FAAP100: variants seen among roughly 807,000 people sequenced by gnomAD.
FAAP100 encodes FA core complex associated protein 100, also known as Fanconi anemia core complex-associated protein 100.
FAAP100 carries 46 observed loss-of-function variants against 65.8 expected under a neutral mutation model. The observed-to-expected ratio is 0.70, with a 90% CI of 0.55 to 0.89. FAAP100 has a LOEUF of 0.89. FAAP100 is among the 40% of genes least tolerant of loss of function. The probability of loss-of-function intolerance (pLI) is 0.00; values close to 1 mark genes in which losing one functional copy is unlikely to be tolerated. For missense variants in FAAP100, 1,165 were observed against 1,196.7 expected (o/e 0.97, Z 0.39); for synonymous variants, 663 against 555.1 (o/e 1.19, Z -2.73).
chr17:81,544,405 C>T (rs1327030456), intron 6 of FAAP100, among the ~76,000 whole-genome samples: 1 of 152,220 alleles, frequency 6.6e-6, no homozygotes, highest in South Asian at 2.1e-4. Flanking sequence ...CGCAGGGCCT[C>T]GAGCCAGACT....
upstream of FAAP100, among the ~76,000 whole-genome samples, chr17:81,552,872 C>T (rs2033552209): frequency 6.6e-6 from 1 of 151,902 alleles, no homozygotes; most frequent in South Asian, 2.1e-4. Context: ...GCCGCCCCCG[C>T]GTTCAGGGCC....
At chr17:81,548,256 C>A (rs940801777) in intron 4 of FAAP100, 2 of 516,234 alleles carry the variant, frequency 3.9e-6, no homozygotes, top group South Asian at 3.1e-5. Flanking sequence ...GCCAGTGCTG[C>A]GGGAGGAAAA....
chr17:81,543,732 A>G (rs1379264754), intron 7 of FAAP100, among the ~76,000 whole-genome samples: 1 of 152,134 alleles, frequency 6.6e-6, no homozygotes, highest in Non-Finnish European at 1.5e-5. Context: ...CTGGCCTTGT[A>G]GCCCGGGCAG....
chr17:81,540,992 C>T (rs1164638242), intron 8 of FAAP100, 42 bp from the exon 9 acceptor site: 1 of 1,526,882 alleles, frequency 6.5e-7, no homozygotes, highest in Non-Finnish European at 8.8e-7. Flanking sequence ...CCACCTGGCC[C>T]TGGGGATGTC....
At position 81,543,975 on chromosome 17, in the gene FAAP100, T is replaced by C. The variant is rs752717315; in HGVS notation, c.2427+29A>G. The C allele has an allele frequency of 6.9e-6, 11 of 1,587,488 alleles. 1 individual carries two copies. In the South Asian group the frequency reaches 1.2e-4, roughly 18 times the overall value. On this transcript the variant is annotated intron_variant, in intron 7 of 8. Coordinates refer to ENST00000327787, the MANE Select transcript of FAAP100 (RefSeq NM_025161.6). ...ACCTTAGTGAGCGACCCACAGATCC[T>C]GGCCACCTTCCCCAGCGGGCCGACA...
At chr17:81,542,671 C>G (rs1480661499) in intron 7 of FAAP100, among the ~76,000 whole-genome samples, 1 of 152,150 alleles carries the variant, frequency 6.6e-6, no homozygotes, top group East Asian at 1.9e-4. Flanking sequence ...TGACTCAGGC[C>G]CCCCAGATTC....
Position 81,550,908 on chromosome 17 carries a change from C to T in FAAP100, c.586G>A (p.Val196Met). The stretch of plus-strand genomic sequence containing the variant: ...CCTGATGGTGACACAGAGCACAGCA[C>T]TGGAAGGAAGTGGGGGGCTGCAGGC... Reference protein sequence around the residue: ...GKPAAPHFLPVLCSVSPSGSR... With the variant: ...GKPAAPHFLPMLCSVSPSGSR... Residue 196 changes from valine (V) to methionine (M), a missense_variant, in exon 3 of 9, where the codon GTG (valine) becomes ATG (methionine). By Grantham distance (21) the Val-to-Met change is conservative. Coordinates refer to ENST00000327787, the MANE Select transcript of FAAP100 (RefSeq NM_025161.6). 6.2e-7 allele frequency: 1 copy of T among 1,612,568 alleles called. No homozygotes were observed. Among genetic ancestry groups the T allele is most frequent in the Non-Finnish European group, 8.5e-7 (1 of 1,179,850 alleles).
intron 3 of FAAP100, among the ~76,000 whole-genome samples, chr17:81,549,967 A>C (rs895350834): frequency 6.6e-6 from 1 of 152,288 alleles, no homozygotes; most frequent in Non-Finnish European, 1.5e-5. Flanking sequence ...TGGACCCCCA[A>C]GATGCAGTTT....
Position 81,540,050 on chromosome 17 carries a change from A to AGGCTGGG in FAAP100, c.*762_*768dup, listed in dbSNP as rs965077328. 18 of 393,562 alleles carry AGGCTGGG rather than the reference A, an allele frequency of 4.6e-5. No individual in the cohort carries two copies. Among genetic ancestry groups the AGGCTGGG allele is most frequent in the Middle Eastern group, 6.2e-4 (1 of 1,612 alleles). 24.4% of individuals were successfully genotyped at this position (393,562 alleles called of 1,614,324 possible). On this transcript the variant is annotated 3_prime_UTR_variant, in exon 9 of 9. Coordinates refer to ENST00000327787, the MANE Select transcript of FAAP100 (RefSeq NM_025161.6). ...GGGCCGTAGCCCAGGCTGAGGGAGG[A>AGGCTGGG]GGCTGGGGGCTGGGGCTCAGGGCCC...
At chr17:81,552,831 G>A (rs890214443), upstream of FAAP100, among the ~76,000 whole-genome samples, 1 of 150,376 alleles carries the variant, frequency 6.6e-6, no homozygotes, top group Non-Finnish European at 1.5e-5. Context: ...CTAGGGATGG[G>A]TCTCTGCCCT....
rs1022383889 is a variant in FAAP100 at position 81,550,436 on chromosome 17, C to A, written c.1058G>T (p.Gly353Val). Residue 353 changes from glycine (G) to valine (V), a missense_variant, in exon 3 of 9, where the codon GGC (glycine) becomes GTC (valine). Coordinates refer to ENST00000327787, the MANE Select transcript of FAAP100 (RefSeq NM_025161.6). ...LPGPVLCAACGGGGRVYHSTP... is the reference protein window; with the variant it reads ...LPGPVLCAACVGGGRVYHSTP... ...GCTGTGGTACACGCGGCCACCCCCG[C>A]CACAGGCAGCGCAGAGCACAGGGCC... 1.6e-5 allele frequency: 26 copies of A among 1,612,630 alleles called. No individual in the cohort carries two copies. Among genetic ancestry groups the A allele is most frequent in the Non-Finnish European group, 2.1e-5 (25 of 1,179,954 alleles).
rs1462944984 is a variant in FAAP100, at chr17:81,547,805, C to T, written c.1404-127G>A. 16 of 1,228,606 alleles carry T rather than the reference C, an allele frequency of 1.3e-5. No individual in the cohort carries two copies. In the East Asian group the frequency reaches 1.9e-4, roughly 15 times the overall value. The allele number at this position is 1,228,606 out of a possible 1,614,324, so 76.1% of individuals were successfully genotyped here. On this transcript the variant is annotated intron_variant, in intron 4 of 8. Coordinates refer to ENST00000327787, the MANE Select transcript of FAAP100 (RefSeq NM_025161.6). ...CAAGCACACGGTGGGTGTGGAGCCACGCCAGAGAGTGAGCCCCCGCCCCAG... is the reference window on the plus strand; with the variant it reads ...CAAGCACACGGTGGGTGTGGAGCCATGCCAGAGAGTGAGCCCCCGCCCCAG...
chr17:81,551,785 G>A, intron 2 of FAAP100, 143 bp downstream of exon 2: 2 of 1,379,096 alleles, frequency 1.5e-6, no homozygotes, highest in Non-Finnish European at 1.9e-6. Context: ...AGGGGCTCCA[G>A]ATAATCGGGC....
At position 81,540,844 on chromosome 17, in the gene FAAP100, C is replaced by CG; in HGVS notation, c.2620dup (p.Arg874ProfsTer34). 5 of 1,539,242 alleles carry CG rather than the reference C, an allele frequency of 3.2e-6. No homozygotes were observed. The highest frequency in any genetic ancestry group is 4.4e-6 in the Non-Finnish European group (5 of 1,145,126). ...TCACAGCAGGATGAGGCTGGGGTGG[C>CG]GCAGCTGCCGGTACACCTGTAGCAG... On this transcript the variant is annotated frameshift_variant, in exon 9 of 9. Coordinates refer to ENST00000327787, the MANE Select transcript of FAAP100 (RefSeq NM_025161.6). LOFTEE classifies it high-confidence loss of function.
intron 4 of FAAP100, chr17:81,548,286 G>C: frequency 2.2e-6 from 1 of 460,180 alleles, no homozygotes; most frequent in East Asian, 3.3e-5. Context: ...ATCCTGTGCT[G>C]AGAGCAGGGA....
chr17:81,540,747 A>G lies in FAAP100; in HGVS notation c.*72T>C. 7.0e-7 allele frequency: 1 copy of G among 1,431,118 alleles called. No individual in the cohort carries two copies. The highest frequency in any genetic ancestry group is 1.5e-5 in the South Asian group (1 of 68,776). 88.7% of individuals were successfully genotyped at this position (1,431,118 alleles called of 1,614,324 possible). On this transcript the variant is annotated 3_prime_UTR_variant, in exon 9 of 9. Coordinates refer to ENST00000327787, the MANE Select transcript of FAAP100 (RefSeq NM_025161.6). ...GGCCAGGCCAGCTCGGTTTCCCTCT[A>G]ACCCATGAGGCCTGGGGGGGCTGTG...
chr17:81,549,406 G>C (rs1382520879), intron 3 of FAAP100, 44 bp from the exon 4 acceptor site: 1 of 1,572,082 alleles, frequency 6.4e-7, no homozygotes, highest in South Asian at 1.1e-5. Context: ...GCTGGGAGGG[G>C]CAAGCAGCAT....
rs912072228 is a variant in FAAP100, at chr17:81,543,878, T to G, written c.2427+126A>C. On this transcript the variant is annotated intron_variant, in intron 7 of 8. Coordinates refer to ENST00000327787, the MANE Select transcript of FAAP100 (RefSeq NM_025161.6). The stretch of plus-strand genomic sequence containing the variant: ...ACCGCACTCAGCGGCAGAGCAGACT[T>G]GGATCTTCCTACAACTCCCTTGCAG... 11 of 872,172 alleles carry G rather than the reference T, an allele frequency of 1.3e-5. No homozygotes were observed. The African/African-American group carries it at 1.9e-4, about 15-fold the overall frequency. 54.0% of individuals were successfully genotyped at this position (872,172 alleles called of 1,614,324 possible).
At chr17:81,541,259 G>T in intron 8 of FAAP100, 50 bp downstream of exon 8, 2 of 1,533,288 alleles carry the variant, frequency 1.3e-6, no homozygotes, top group South Asian at 1.2e-5. Flanking sequence ...GGCGATGGGC[G>T]CTCCTGGCTA....
Sources: gnomAD v4.1 joint callset for allele counts (sites outside exome capture counted in the v4.1 genomes callset) on GRCh38, gnomAD v4.1.1 for gene constraint, MANE v1.5 for transcripts, NCBI Gene and HGNC (gene_info 2026-07-23, HGNC 2026-07-21) for gene names.